The following ZC3H12B variants were observed in gnomAD, a reference collection of about 807,000 sequenced individuals.
ZC3H12B encodes probable ribonuclease ZC3H12B.
A neutral mutation model predicts 43.9 loss-of-function variants in ZC3H12B; 7 were observed. The observed-to-expected ratio is 0.16, with a 90% CI of 0.09 to 0.30. The LOEUF is 0.30. Among genes scored for constraint, ZC3H12B ranks in the 10% least tolerant of loss-of-function variants. The probability of loss-of-function intolerance (pLI) is 1.00; values close to 1 mark genes in which losing one functional copy is unlikely to be tolerated. For missense variants in ZC3H12B, 475 were observed against 670.2 expected (o/e 0.71, Z 3.22); for synonymous variants, 222 against 241.7 (o/e 0.92, Z 0.76).
At chrX:65,108,375 C>T in the ZC3H12B span, among the ~76,000 whole-genome samples, 3 of 110,632 alleles carry the variant, frequency 2.7e-5, no homozygotes, top group African/African-American at 9.8e-5. Context: ...TTCTTTATAT[C>T]CTTAGTCTAT....
At chrX:65,242,006 G>A in the ZC3H12B span, among the ~76,000 whole-genome samples, 1 of 111,473 alleles carries the variant, frequency 9.0e-6, no homozygotes, top group East Asian at 2.8e-4. Context: ...GGTTCACGAA[G>A]GGATCTCCTT....
At chrX:65,063,163 G>C in the ZC3H12B span, among the ~76,000 whole-genome samples, 5 of 111,218 alleles carry the variant, frequency 4.5e-5, no homozygotes, top group African/African-American at 1.3e-4. Flanking sequence ...TCTTTCTCTT[G>C]CCTGATTGCC....
At chrX:65,421,377 C>G (rs2067015294) in intron 3 of ZC3H12B, among the ~76,000 whole-genome samples, 2 of 112,147 alleles carry the variant, frequency 1.8e-5, no homozygotes, top group South Asian at 7.4e-4. Flanking sequence ...ACAGCCACCT[C>G]TACTCAATCT....
chrX:65,479,695 A>G (rs1453291806), intron 3 of ZC3H12B, among the ~76,000 whole-genome samples: 1 of 111,273 alleles, frequency 9.0e-6, no homozygotes, highest in African/African-American at 3.3e-5. Flanking sequence ...ATTATTGAAA[A>G]CCTTTCGTTA....
chrX:65,310,052 G>T, the ZC3H12B span, among the ~76,000 whole-genome samples: 2 of 111,907 alleles, frequency 1.8e-5, no homozygotes, highest in African/African-American at 6.5e-5. Flanking sequence ...CATACTGAAT[G>T]GGCAAAACCT....
the ZC3H12B span, among the ~76,000 whole-genome samples, chrX:65,174,535 CCT>C: frequency 5.4e-5 from 6 of 111,583 alleles, no homozygotes; most frequent in South Asian, 1.5e-3. Flanking sequence ...TCTATAATCC[CCT>C]GTCAGGGGCT....
chrX:65,150,494 C>G, the ZC3H12B span, among the ~76,000 whole-genome samples: 1 of 109,696 alleles, frequency 9.1e-6, no homozygotes, highest in Non-Finnish European at 1.9e-5. Context: ...TCCCTGCCCC[C>G]GACCCCCCAA....
chrX:65,155,358 G>C, the ZC3H12B span, among the ~76,000 whole-genome samples: 2 of 110,306 alleles, frequency 1.8e-5, no homozygotes, highest in Non-Finnish European at 3.8e-5. Flanking sequence ...CCCGTGCTTT[G>C]ATCTGCTAAT....
the ZC3H12B span, chrX:65,356,935 C>T: frequency 2.3e-6 from 1 of 431,788 alleles, no homozygotes; most frequent in Non-Finnish European, 4.4e-6. Context: ...ATGCTAAACT[C>T]CCACAGGCTG....
chrX:65,450,720 CATATGTGTATATATGTATATATATAT>C (rs2067480481), intron 3 of ZC3H12B, among the ~76,000 whole-genome samples: 1 of 13,305 alleles, frequency 7.5e-5, no homozygotes, highest in Non-Finnish European at 1.1e-4. Context: ...TATATGTATA[CATATGTGTATATATGTATATATATAT>C]ACATATGTGT....
the ZC3H12B span, among the ~76,000 whole-genome samples, chrX:65,219,116 GA>G: frequency 2.7e-5 from 3 of 111,690 alleles, no homozygotes; most frequent in Non-Finnish European, 5.6e-5. Context: ...ATCTCTAGGG[GA>G]AAAGGTAAAG....
At chrX:65,302,923 T>C in the ZC3H12B span, among the ~76,000 whole-genome samples, 1 of 111,867 alleles carries the variant, frequency 8.9e-6, no homozygotes, top group African/African-American at 3.2e-5. Flanking sequence ...ACATTTTAAA[T>C]AAATGGTACT....
chrX:65,174,533 C>T, the ZC3H12B span, among the ~76,000 whole-genome samples: 3 of 111,574 alleles, frequency 2.7e-5, no homozygotes, highest in Non-Finnish European at 5.6e-5. Context: ...TATCTATAAT[C>T]CCCTGTCAGG....
intron 3 of ZC3H12B, among the ~76,000 whole-genome samples, chrX:65,453,588 G>A (rs1217878777): frequency 7.6e-5 from 8 of 105,373 alleles, no homozygotes; most frequent in Non-Finnish European, 1.6e-4. Flanking sequence ...TGGGTGTGGT[G>A]GTGCACGCCT....
At chrX:65,499,074 G>A in exon 3 of ZC3H12B, 8 of 1,211,546 alleles carry the variant, frequency 6.6e-6, no homozygotes, top group Non-Finnish European at 8.9e-6. Flanking sequence ...CAAGGCAGGA[G>A]GGTTGTCTGC....
chrX:65,061,770 T>G, the ZC3H12B span, among the ~76,000 whole-genome samples: 1 of 112,569 alleles, frequency 8.9e-6, no homozygotes, highest in Non-Finnish European at 1.9e-5. Context: ...TGAACTAATT[T>G]ACATTCTCAC....
the ZC3H12B span, among the ~76,000 whole-genome samples, chrX:65,132,995 G>A: frequency 9.0e-6 from 1 of 111,401 alleles, no homozygotes; most frequent in Non-Finnish European, 1.9e-5. Context: ...GAGTTGGACA[G>A]TCCGATTTCC....
intron 3 of ZC3H12B, among the ~76,000 whole-genome samples, chrX:65,473,133 C>T (rs759052979): frequency 6.2e-4 from 66 of 105,887 alleles, no homozygotes; most frequent in African/African-American, 2.2e-3. Flanking sequence ...TCTGCCTCAG[C>T]CTCCCAAGTA....
the ZC3H12B span, among the ~76,000 whole-genome samples, chrX:65,050,148 C>A: frequency 1.8e-5 from 2 of 111,095 alleles, no homozygotes; most frequent in African/African-American, 6.5e-5. Context: ...AAGTTTATTT[C>A]TAAGTATTAT....
Sources: allele counts gnomAD v4.1 joint callset (sites outside exome capture counted in the v4.1 genomes callset), GRCh38; gene constraint gnomAD v4.1.1; transcripts MANE v1.5; gene names NCBI Gene and HGNC (gene_info 2026-07-23, HGNC 2026-07-21).